Variants in GPC5 observed in about 807,000 individuals in gnomAD.
GPC5 encodes the protein glypican 5, also known as glypican-5.
GPC5 carries 47 observed loss-of-function variants against 53.9 expected under a neutral mutation model. That is an observed-to-expected ratio of 0.87 (90% CI 0.69 to 1.11). The LOEUF is 1.11. Ranked by LOEUF, GPC5 falls within the 50% of genes most tolerant of loss-of-function variation. GPC5 has a pLI of 0.00. For synonymous variants in GPC5, 286 were observed against 263.3 expected (o/e 1.09, Z -0.84); for missense variants, 748 against 713.1 (o/e 1.05, Z -0.56).
At chr13:92,481,740 T>G (rs1485338449) in intron 7 of GPC5, among the ~76,000 whole-genome samples, 1 of 151,860 alleles carries the variant, frequency 6.6e-6, no homozygotes, top group Non-Finnish European at 1.5e-5. Context: ...TCTCATTAGC[T>G]GGAAAAAAAA....
intron 2 of GPC5, among the ~76,000 whole-genome samples, chr13:91,579,624 C>CTTTTTTTTTTTTTTT (rs3055895): frequency 9.5e-4 from 97 of 102,584 alleles, no homozygotes; most frequent in Non-Finnish European, 1.5e-3. Flanking sequence ...TTTTCTTTTT[C>CTTTTTTTTTTTTTTT]TTTTTTTTTT....
intron 7 of GPC5, among the ~76,000 whole-genome samples, chr13:92,286,423 G>C (rs909258304): frequency 4.6e-5 from 7 of 152,076 alleles, no homozygotes; most frequent in African/African-American, 1.7e-4. Flanking sequence ...CTGCTATAAA[G>C]ACACATGCCC....
rs775279047 is a variant in GPC5, at chr13:91,693,234, CT to C, written c.379del (p.Cys127AlafsTer37). On this transcript the variant is annotated frameshift_variant, in exon 3 of 8. Coordinates refer to ENST00000377067, the MANE Select transcript of GPC5 (RefSeq NM_004466.6). LOFTEE classifies it high-confidence loss of function. ...ACAAGCAGAAAATTACACCAGTATA[CT>C]TTTTTGCAGTACCTACAGGAACATG... ...IKQAENYTSI[L>X]FCSTYRNMAL... The C allele has an allele frequency of 1.9e-6, 3 of 1,613,908 alleles. No homozygotes were observed. The African/African-American group carries it at 4.0e-5, about 22-fold the overall frequency.
intron 6 of GPC5, among the ~76,000 whole-genome samples, chr13:92,122,433 TAC>T (rs1252120402): frequency 6.6e-6 from 1 of 151,924 alleles, no homozygotes; most frequent in African/African-American, 2.4e-5. Flanking sequence ...TAGCTCCGAT[TAC>T]GCTTCTGCTT....
intron 6 of GPC5, among the ~76,000 whole-genome samples, chr13:91,945,119 T>A (rs1251568968): frequency 6.6e-6 from 1 of 152,230 alleles, no homozygotes; most frequent in Non-Finnish European, 1.5e-5. Flanking sequence ...TATCTTGGCT[T>A]AATATAGGCA....
intron 2 of GPC5, among the ~76,000 whole-genome samples, chr13:91,637,941 T>C (rs2034324375): frequency 6.6e-6 from 1 of 152,230 alleles, no homozygotes. Flanking sequence ...TCTATAAATG[T>C]GACTGCCTGA....
intron 7 of GPC5, among the ~76,000 whole-genome samples, chr13:92,737,077 T>C (rs1888954914): frequency 6.6e-6 from 1 of 152,012 alleles, no homozygotes; most frequent in South Asian, 2.1e-4. Context: ...AGCAATAGTA[T>C]GTCTTTCCTC....
intron 1 of GPC5, among the ~76,000 whole-genome samples, chr13:91,415,747 G>T (rs970449557): frequency 6.3e-5 from 9 of 141,734 alleles, no homozygotes; most frequent in Non-Finnish European, 9.0e-5. Flanking sequence ...TTGCGGGGGT[G>T]GGGGGGGTGG....
chr13:91,799,391 C>T (rs987416428), intron 5 of GPC5, among the ~76,000 whole-genome samples: 3 of 152,054 alleles, frequency 2.0e-5, no homozygotes, highest in African/African-American at 4.8e-5. Flanking sequence ...TTATGCTGAC[C>T]ACTCGGGCAA....
At chr13:92,428,919 A>G (rs1295317229) in intron 7 of GPC5, among the ~76,000 whole-genome samples, 2 of 152,140 alleles carry the variant, frequency 1.3e-5, no homozygotes, top group Non-Finnish European at 2.9e-5. Context: ...CTCCACATGT[A>G]AAAGCTTACT....
chr13:91,948,257 T>TAATA lies in GPC5; in HGVS notation c.1401+40213_1401+40216dup, dbSNP rs575685055. ...AAAAAAAAAAAATAAATAATAATAA[T>TAATA]AATAAATAAATAAATATACTTATAA... is the stretch of plus-strand genomic sequence containing the variant. On this transcript the variant is annotated intron_variant, in intron 6 of 7. Transcript: ENST00000377067. Among the ~76,000 whole-genome samples, 684 of 149,776 alleles carry TAATA rather than the reference T, an allele frequency of 4.6e-3. 3 individuals are homozygous for TAATA. Among genetic ancestry groups the TAATA allele is most frequent in the Middle Eastern group, 0.021 (6 of 286 alleles).
chr13:91,514,006 A>G (rs1885368889), intron 2 of GPC5, among the ~76,000 whole-genome samples: 1 of 152,226 alleles, frequency 6.6e-6, no homozygotes, highest in Non-Finnish European at 1.5e-5. Flanking sequence ...GAGTAGCATT[A>G]TATTGCATAG....
rs117487154 is a variant in GPC5 at position 91,500,032 on chromosome 13, C to T, written c.325+51110C>T. 7.0e-4 allele frequency among the ~76,000 whole-genome samples: 107 copies of T among 152,268 alleles called. 1 individual carries two copies. The East Asian group carries it at 0.019, about 27-fold the overall frequency. On this transcript the variant is annotated intron_variant, in intron 2 of 7. Transcript: ENST00000377067. ...TCCAGGAAACTCTTCTCTTAGGTAT[C>T]CCCTTGGACCATGCCCTCATTTCCA...
At chr13:92,442,609 C>T (rs1877620199) in intron 7 of GPC5, among the ~76,000 whole-genome samples, 1 of 151,960 alleles carries the variant, frequency 6.6e-6, no homozygotes, top group Non-Finnish European at 1.5e-5. Context: ...AAGAATGGTA[C>T]TAAGAAAAAA....
chr13:91,534,674 TTGTC>T (rs1479146897), intron 2 of GPC5, among the ~76,000 whole-genome samples: 1 of 152,034 alleles, frequency 6.6e-6, no homozygotes, highest in Non-Finnish European at 1.5e-5. Context: ...ATTGGGAGAG[TTGTC>T]CCATCCTTAA....
chr13:92,012,996 G>A lies in GPC5; in HGVS notation c.1401+104939G>A, dbSNP rs574951074. Among the ~76,000 whole-genome samples, 3 of 152,260 alleles carry A rather than the reference G, an allele frequency of 2.0e-5. No homozygotes were observed. The South Asian group carries it at 6.2e-4, about 32-fold the overall frequency. On this transcript the variant is annotated intron_variant, in intron 6 of 7. Coordinates refer to ENST00000377067, the MANE Select transcript of GPC5 (RefSeq NM_004466.6). ...GCCCACACCCAGACCAGGTTGTGGGGGCCTGTGACCCCGAAGCCCCAGAGG... is the reference window on the plus strand; with the variant it reads ...GCCCACACCCAGACCAGGTTGTGGGAGCCTGTGACCCCGAAGCCCCAGAGG...
intron 7 of GPC5, among the ~76,000 whole-genome samples, chr13:92,818,786 G>T (rs1329859754): frequency 6.6e-6 from 1 of 151,914 alleles, no homozygotes. Flanking sequence ...TCAAGTGTCT[G>T]ACTAGAACAG....
chr13:91,628,264 T>G (rs1433297950), intron 2 of GPC5, among the ~76,000 whole-genome samples: 1 of 152,156 alleles, frequency 6.6e-6, no homozygotes, highest in Non-Finnish European at 1.5e-5. Flanking sequence ...ATAGCTTTTT[T>G]TTTCCATTAA....
At chr13:92,026,578 TA>T (rs1232809948) in intron 6 of GPC5, among the ~76,000 whole-genome samples, 4 of 151,906 alleles carry the variant, frequency 2.6e-5, no homozygotes, top group African/African-American at 4.8e-5. Flanking sequence ...AGCTACCTTA[TA>T]AAAAATTATC....
Sources: allele counts gnomAD v4.1 joint callset (sites outside exome capture counted in the v4.1 genomes callset), GRCh38; gene constraint gnomAD v4.1.1; transcripts MANE v1.5; gene names NCBI Gene and HGNC (gene_info 2026-07-23, HGNC 2026-07-21).